The following C12orf42 variants were observed in gnomAD, a reference collection of about 807,000 sequenced individuals.
C12orf42 encodes the protein uncharacterized protein C12orf42.
C12orf42 carries 25 observed loss-of-function variants against 21.6 expected under a neutral mutation model. The observed-to-expected ratio is 1.16, with a 90% CI of 0.84 to 1.62. The LOEUF is 1.62. C12orf42 is among the 40% of genes most tolerant of loss of function. The probability of loss-of-function intolerance (pLI) is 0.00; values close to 1 mark genes in which losing one functional copy is unlikely to be tolerated. For missense variants in C12orf42, 483 were observed against 459.3 expected (o/e 1.05, Z -0.47); for synonymous variants, 174 against 175.0 (o/e 0.99, Z 0.05).
chr12:103,169,543 A>G, the C12orf42 span, among the ~76,000 whole-genome samples: 7 of 152,198 alleles, frequency 4.6e-5, no homozygotes, highest in African/African-American at 9.6e-5. Flanking sequence ...GTTAGTATGT[A>G]TAAGAAATGA....
intron 2 of C12orf42, among the ~76,000 whole-genome samples, chr12:103,410,157 A>T (rs2048725555): frequency 6.6e-6 from 1 of 152,206 alleles, no homozygotes; most frequent in Admixed American, 6.5e-5. Flanking sequence ...TCCAGTCAGT[A>T]GTTGCATAAT....
the C12orf42 span, among the ~76,000 whole-genome samples, chr12:103,506,641 G>A: frequency 1.3e-4 from 20 of 149,770 alleles, no homozygotes; most frequent in Non-Finnish European, 2.5e-4. Flanking sequence ...AATCTATGAT[G>A]TTCAGACAAT....
chr12:103,126,745 C>T, the C12orf42 span, among the ~76,000 whole-genome samples: 29 of 149,954 alleles, frequency 1.9e-4, no homozygotes, highest in East Asian at 1.2e-3. Flanking sequence ...TCGTTTTTTC[C>T]GAAATAAGAC....
chr12:103,548,855 T>C, the C12orf42 span: 2 of 152,120 alleles, frequency 1.3e-5, no homozygotes, highest in Non-Finnish European at 2.9e-5. Flanking sequence ...CTTGGAACAG[T>C]GGGGAGAACC....
At chr12:103,529,848 C>G in the C12orf42 span, among the ~76,000 whole-genome samples, 1 of 152,162 alleles carries the variant, frequency 6.6e-6, no homozygotes, top group Non-Finnish European at 1.5e-5. Flanking sequence ...CCCTCACCCC[C>G]AAAGAGATTT....
intron 4 of C12orf42, among the ~76,000 whole-genome samples, chr12:103,291,018 A>C (rs1038636389): frequency 6.6e-6 from 1 of 151,468 alleles, no homozygotes; most frequent in Admixed American, 6.6e-5. Context: ...TGTACCCCTA[A>C]ATTTATAAAA....
chr12:103,124,721 C>A, the C12orf42 span, among the ~76,000 whole-genome samples: 1 of 152,072 alleles, frequency 6.6e-6, no homozygotes, highest in South Asian at 2.1e-4. Flanking sequence ...CAGTGCCTCT[C>A]CAGATCCTTG....
At chr12:103,226,595 G>T in the C12orf42 span, among the ~76,000 whole-genome samples, 1 of 152,146 alleles carries the variant, frequency 6.6e-6, no homozygotes, top group Non-Finnish European at 1.5e-5. Flanking sequence ...TAAATTGCTG[G>T]GCAGGTTGGG....
the C12orf42 span, among the ~76,000 whole-genome samples, chr12:103,177,745 T>C: frequency 6.6e-6 from 1 of 152,204 alleles, no homozygotes; most frequent in South Asian, 2.1e-4. Context: ...CTCCTCCTTC[T>C]CCGATGCTGC....
chr12:103,099,149 TGCAAGG>T, the C12orf42 span, among the ~76,000 whole-genome samples: 1 of 152,246 alleles, frequency 6.6e-6, no homozygotes, highest in South Asian at 2.1e-4. Context: ...GCTCCACATT[TGCAAGG>T]GCTGTGAGTT....
At chr12:103,512,521 G>A in the C12orf42 span, among the ~76,000 whole-genome samples, 1,584 of 152,300 alleles carry the variant, frequency 0.01, 17 homozygotes, top group African/African-American at 0.03. Flanking sequence ...GATACCCTAA[G>A]TAGCCTGATT....
At chr12:103,151,050 C>T in the C12orf42 span, among the ~76,000 whole-genome samples, 1 of 152,080 alleles carries the variant, frequency 6.6e-6, no homozygotes, top group Non-Finnish European at 1.5e-5. Flanking sequence ...GCCTCAGCAC[C>T]CTGAGTAGCT....
intron 2 of C12orf42, among the ~76,000 whole-genome samples, chr12:103,463,728 G>A (rs1952899767): frequency 6.6e-6 from 1 of 151,996 alleles, no homozygotes; most frequent in South Asian, 2.1e-4. Flanking sequence ...TTAACTATTT[G>A]CTCTCCCTTC....
intron 4 of C12orf42, among the ~76,000 whole-genome samples, chr12:103,335,834 G>A (rs1191547667): frequency 6.6e-6 from 1 of 152,314 alleles, no homozygotes; most frequent in Non-Finnish European, 1.5e-5. Context: ...TAATGAGACA[G>A]CCAAGAAGAA....
the C12orf42 span, chr12:103,178,159 C>T: frequency 6.6e-6 from 1 of 152,202 alleles, no homozygotes; most frequent in Non-Finnish European, 1.5e-5. Context: ...ACTAAGCCAA[C>T]TTCTCCTGGC....
At chr12:103,323,705 G>C (rs756559613) in intron 4 of C12orf42, among the ~76,000 whole-genome samples, 1 of 152,136 alleles carries the variant, frequency 6.6e-6, no homozygotes, top group Non-Finnish European at 1.5e-5. Flanking sequence ...ATTTGTGTGA[G>C]AGTATATGTT....
At chr12:103,491,575 C>T (rs1300110916) in intron 1 of C12orf42, among the ~76,000 whole-genome samples, 1 of 152,226 alleles carries the variant, frequency 6.6e-6, no homozygotes, top group Non-Finnish European at 1.5e-5. Context: ...TCTCCTTTTG[C>T]TTCCCTGTGC....
chr12:103,049,440 G>A, the C12orf42 span, among the ~76,000 whole-genome samples: 21 of 152,102 alleles, frequency 1.4e-4, no homozygotes, highest in African/African-American at 3.4e-4. Context: ...CCAAGCTAGC[G>A]TCATCTTTCA....
At chr12:103,287,718 AAAC>A (rs1447117951) in intron 4 of C12orf42, among the ~76,000 whole-genome samples, 1 of 151,840 alleles carries the variant, frequency 6.6e-6, no homozygotes, top group South Asian at 2.1e-4. Flanking sequence ...TAAAAAAAAA[AAAC>A]AAAAAAAAGT....
Sources: gnomAD v4.1 joint callset for allele counts (sites outside exome capture counted in the v4.1 genomes callset) on GRCh38, gnomAD v4.1.1 for gene constraint, MANE v1.5 for transcripts, NCBI Gene and HGNC (gene_info 2026-07-23, HGNC 2026-07-21) for gene names.